Variants in PIP5KL1 observed in about 807,000 individuals in gnomAD.
PIP5KL1 encodes phosphatidylinositol-4-phosphate 5-kinase like 1.
In PIP5KL1, 45 loss-of-function variants were observed where a neutral mutation model predicts 47.6. The observed-to-expected ratio is 0.94, with a 90% CI of 0.74 to 1.21. The LOEUF is 1.21. Among genes scored for constraint, PIP5KL1 ranks in the 50% most tolerant of loss-of-function variants. The probability of loss-of-function intolerance (pLI) is 0.00; values close to 1 mark genes in which losing one functional copy is unlikely to be tolerated. For missense variants in PIP5KL1, 577 were observed against 547.6 expected (o/e 1.05, Z -0.54); for synonymous variants, 256 against 234.6 (o/e 1.09, Z -0.84).
At chr9:127,922,969 C>T (rs1434959936) in intron 9 of PIP5KL1, among the ~76,000 whole-genome samples, 1 of 152,160 alleles carries the variant, frequency 6.6e-6, no homozygotes, top group Non-Finnish European at 1.5e-5. Context: ...GGAATCTGCA[C>T]CTTGGTGCCA....
At position 127,930,728 on chromosome 9, in the gene PIP5KL1, G is replaced by A; in HGVS notation, c.25C>T (p.Arg9Cys). The change falls in exon 1 of 10, where the codon CGC (arginine) becomes TGC (cysteine). Residue 9 changes from arginine (R) to cysteine (C), a missense_variant. By Grantham distance (180) the Arg-to-Cys change is radical (BLOSUM62 -3). Coordinates refer to ENST00000388747, the MANE Select transcript of PIP5KL1 (RefSeq NM_001135219.2). MAAPSPGP[R>C]EVLAPSPEAG... ...TCTCTCGGGTCCGCACCTACCTCGC[G>A]GGGCCCCGGGCTCGGCGCAGCCATC... 1 of 1,569,176 alleles carries A rather than the reference G, an allele frequency of 6.4e-7. No individual in the cohort carries two copies. The highest frequency in any genetic ancestry group is 8.6e-7 in the Non-Finnish European group (1 of 1,161,526).
Position 127,921,626 on chromosome 9 carries a change from AT to A in PIP5KL1, c.*220del, listed in dbSNP as rs1564135864. ...TGGTCTGTAAAAAGAGAATAATAGC[AT>A]TTTTTGAGGATTAAATGAGCTAAAG... On this transcript the variant is annotated 3_prime_UTR_variant, in exon 10 of 10. Transcript: ENST00000388747. The A allele has an allele frequency of 1.6e-6, 1 of 619,302 alleles. No individual in the cohort carries two copies. Among genetic ancestry groups the A allele is most frequent in the Non-Finnish European group, 2.7e-6 (1 of 364,806 alleles). The allele number at this position is 619,302 out of a possible 1,614,324, so 38.4% of individuals were successfully genotyped here.
Position 127,929,941 on chromosome 9 carries a change from C to T in PIP5KL1, c.31-56G>A, listed in dbSNP as rs1831414887. 7.1e-7 allele frequency: 1 copy of T among 1,410,222 alleles called. No homozygotes were observed. Among genetic ancestry groups the T allele is most frequent in the Non-Finnish European group, 9.4e-7 (1 of 1,065,250 alleles). 87.4% of individuals were successfully genotyped at this position (1,410,222 alleles called of 1,614,324 possible). ...TGGCAGCGTCACAGAGGAAAAAGAT[C>T]AGGGTTCAAGTCCCACTTCCACTAC... On this transcript the variant is annotated intron_variant, in intron 1 of 9. Transcript: ENST00000388747. This position sits in a 1 kb window ranked among gnomAD's most constrained non-coding sequence, Gnocchi z 4.0.
In PIP5KL1 at chr9:127,925,191, A is replaced by C. The variant is rs1831343762; in HGVS notation, c.833T>G (p.Leu278Arg). ...DTTFLRELNV[L>R]DYSLLIAFQR... ...GAAGGCTATCAGGAGGCTGTAATCC[A>C]GCACGTTGAGCTCCCGGAGGAAGGT... Residue 278 changes from leucine (L) to arginine (R), a missense_variant, in exon 9 of 10, where the codon CTG becomes CGG. Leu to Arg is a moderately radical substitution (Grantham distance 102). Coordinates refer to ENST00000388747, the MANE Select transcript of PIP5KL1 (RefSeq NM_001135219.2). The C allele has an allele frequency of 6.2e-7, 1 of 1,614,008 alleles. No individual in the cohort carries two copies. Among genetic ancestry groups the C allele is most frequent in the Non-Finnish European group, 8.5e-7 (1 of 1,180,056 alleles).
chr9:127,925,730 C>A (rs1831352633), intron 8 of PIP5KL1, 137 bp downstream of exon 8: 2 of 734,192 alleles, frequency 2.7e-6, no homozygotes, highest in African/African-American at 1.7e-5. Flanking sequence ...TCCCAAAGTG[C>A]TGGAATTACA....
chr9:127,925,233 T>G lies in PIP5KL1; in HGVS notation c.791A>C (p.Gln264Pro). Residue 264 changes from glutamine to proline, a missense_variant, in exon 9 of 10, where the codon CAG (glutamine) becomes CCG (proline). Gln to Pro is a moderately conservative substitution (Grantham distance 76). Transcript: ENST00000388747. ...GAGGAAGGTGGTATCCAGTTCCATC[T>G]GGCGGAGGAACCAGCTCCGCTGGGG... ...LGPQRSWFLR[Q>P]MELDTTFLRE... 1 of 1,613,716 alleles carries G rather than the reference T, an allele frequency of 6.2e-7. No individual in the cohort carries two copies. The highest frequency in any genetic ancestry group is 8.5e-7 in the Non-Finnish European group (1 of 1,180,038).
chr9:127,929,249 C>A lies in PIP5KL1; in HGVS notation c.228+439G>T, dbSNP rs530828044. On this transcript the variant is annotated intron_variant, in intron 2 of 9. Coordinates refer to ENST00000388747, the MANE Select transcript of PIP5KL1 (RefSeq NM_001135219.2). The surrounding 1 kb of genome is among the most constrained non-coding windows in gnomAD (Gnocchi z 4.0). ...CACCACACACATGCTCACCCAGGCCCGCCCAGCTGCTGAGCTTGCAGTTGG... is the reference window on the plus strand; with the variant it reads ...CACCACACACATGCTCACCCAGGCCAGCCCAGCTGCTGAGCTTGCAGTTGG... 6.6e-6 allele frequency among the ~76,000 whole-genome samples: 1 copy of A among 152,150 alleles called. No homozygotes were observed. Among genetic ancestry groups the A allele is most frequent in the Non-Finnish European group, 1.5e-5 (1 of 68,014 alleles).
Position 127,927,432 on chromosome 9 carries a change from C to G in PIP5KL1, c.560-101G>C. On this transcript the variant is annotated intron_variant, in intron 5 of 9. Coordinates refer to ENST00000388747, the MANE Select transcript of PIP5KL1 (RefSeq NM_001135219.2). This position sits in a 1 kb window ranked among gnomAD's most constrained non-coding sequence, Gnocchi z 5.5. ...CCAGGCCACGCCTCCTTCTCAAGAT[C>G]CGCGGCACCTGGACCCTTCCTTGGC... is the stretch of plus-strand genomic sequence containing the variant. 1 of 1,510,958 alleles carries G rather than the reference C, an allele frequency of 6.6e-7. No homozygotes were observed. The highest frequency in any genetic ancestry group is 8.8e-7 in the Non-Finnish European group (1 of 1,131,342). 93.6% of individuals were successfully genotyped at this position (1,510,958 alleles called of 1,614,324 possible). A position where few individuals can be genotyped will look rare whatever the true frequency, so the allele number is the denominator to read the frequency against.
In PIP5KL1 at chr9:127,929,202, C is replaced by G. The variant is rs966565426; in HGVS notation, c.228+486G>C. On this transcript the variant is annotated intron_variant, in intron 2 of 9. Transcript: ENST00000388747. This position sits in a 1 kb window ranked among gnomAD's most constrained non-coding sequence, Gnocchi z 4.0. Reference sequence around the variant, plus strand: ...TGGTCTGTGGAATGTGGTCCCACTGCGCACACATGCACACACACGAACACC... The same window carrying G: ...TGGTCTGTGGAATGTGGTCCCACTGGGCACACATGCACACACACGAACACC... Among the ~76,000 whole-genome samples the G allele has an allele frequency of 6.6e-6, 1 of 152,156 alleles. No individual in the cohort carries two copies. Among genetic ancestry groups the G allele is most frequent in the Non-Finnish European group, 1.5e-5 (1 of 68,018 alleles).
intron 2 of PIP5KL1, 59 bp from the exon 3 acceptor site, chr9:127,928,542 G>C: frequency 6.8e-7 from 1 of 1,464,810 alleles, no homozygotes; most frequent in Non-Finnish European, 9.1e-7. Context: ...CCTGCCCCAG[G>C]ATCTCCAGAT....
In PIP5KL1 at chr9:127,927,811, C is replaced by A. The variant is rs1347194547; in HGVS notation, c.435-39G>T. ...GAAAGAGGTCACTGCCCAGGCCTGG[C>A]TGGAGCGGCTCCCACCCGGCCCCCT... On this transcript the variant is annotated intron_variant, in intron 4 of 9. Transcript: ENST00000388747. This position sits in a 1 kb window ranked among gnomAD's most constrained non-coding sequence, Gnocchi z 5.5. 2 of 1,539,534 alleles carry A rather than the reference C, an allele frequency of 1.3e-6. No homozygotes were observed. Among genetic ancestry groups the A allele is most frequent in the East Asian group, 4.9e-5 (2 of 40,992 alleles).
chr9:127,921,799 C>T lies in PIP5KL1; in HGVS notation c.*48G>A, dbSNP rs768053497. 1.2e-5 allele frequency: 19 copies of T among 1,522,756 alleles called. No homozygotes were observed. The highest frequency in any genetic ancestry group is 1.6e-5 in the Non-Finnish European group (18 of 1,137,022). The allele number at this position is 1,522,756 out of a possible 1,614,324, so 94.3% of individuals were successfully genotyped here. On this transcript the variant is annotated 3_prime_UTR_variant, in exon 10 of 10. Transcript: ENST00000388747. ...CCCGGGCCCGGGGGAACCGGCGTTC[C>T]TGGCGTGAGCCCATCGTCCAGATCC...
rs1286974615 is a variant in PIP5KL1 at position 127,929,878 on chromosome 9, G to C, written c.38C>G (p.Ala13Gly). 1 of 1,530,472 alleles carries C rather than the reference G, an allele frequency of 6.5e-7. No homozygotes were observed. Among genetic ancestry groups the C allele is most frequent in the Non-Finnish European group, 8.8e-7 (1 of 1,138,470 alleles). 94.8% of individuals were successfully genotyped at this position (1,530,472 alleles called of 1,614,324 possible). ...APSPGPREVL[A>G]PSPEAGCRAV... ...TCTGCATCCAGCCTCAGGGGAGGGG[G>C]CCAGGACCTGGTGGGAGGAGGCACA... Residue 13 changes from alanine (A) to glycine (G), a missense_variant, in exon 2 of 10, where the codon GCC (alanine) becomes GGC (glycine). Coordinates refer to ENST00000388747, the MANE Select transcript of PIP5KL1 (RefSeq NM_001135219.2). The surrounding 1 kb of genome is among the most constrained non-coding windows in gnomAD (Gnocchi z 4.0).
Position 127,921,703 on chromosome 9 carries a change from C to A in PIP5KL1, c.*144G>T. On this transcript the variant is annotated 3_prime_UTR_variant, in exon 10 of 10. Coordinates refer to ENST00000388747, the MANE Select transcript of PIP5KL1 (RefSeq NM_001135219.2). ...GGCACGGCACCACCGTCAAACGGGA[C>A]TGCGCGGTTACGGTATTAGTTAGGG... 8.5e-7 allele frequency: 1 copy of A among 1,172,352 alleles called. No individual in the cohort carries two copies. Among genetic ancestry groups the A allele is most frequent in the Non-Finnish European group, 1.2e-6 (1 of 859,278 alleles). 72.6% of individuals were successfully genotyped at this position (1,172,352 alleles called of 1,614,324 possible). A position where few individuals can be genotyped will look rare whatever the true frequency, so the allele number is the denominator to read the frequency against.
At position 127,921,987 on chromosome 9, in the gene PIP5KL1, G is replaced by T; in HGVS notation, c.1045C>A (p.Leu349Ile). Residue 349 changes from leucine to isoleucine, a missense_variant, in exon 10 of 10, where the codon CTC becomes ATC. By Grantham distance (5) the Leu-to-Ile change is conservative (BLOSUM62 2). Transcript: ENST00000388747. ...EQRYFLGVVD[L>I]ATVYGLRKRL... The stretch of plus-strand genomic sequence containing the variant: ...TTGCGGAGCCCGTAGACTGTGGCGA[G>T]ATCCACGACGCCCAGGAAATAGCGC... 6.3e-7 allele frequency: 1 copy of T among 1,577,562 alleles called. No homozygotes were observed.
chr9:127,928,969 C>T (rs958371281), intron 2 of PIP5KL1, among the ~76,000 whole-genome samples: 4 of 152,222 alleles, frequency 2.6e-5, no homozygotes, highest in South Asian at 2.1e-4. Flanking sequence ...TGGTGGCTGC[C>T]GGCAAGGGAA....
At position 127,927,215 on chromosome 9, in the gene PIP5KL1, G is replaced by A; in HGVS notation, c.595-7C>T. ...GCATGACGATGAAGTACGTCTGGGG[G>A]CCGGGACAGGGAGTGAGGGAGGCCG... On this transcript the variant is annotated splice_region_variant and splice_polypyrimidine_tract_variant and intron_variant, in intron 6 of 9. Coordinates refer to ENST00000388747, the MANE Select transcript of PIP5KL1 (RefSeq NM_001135219.2). This position sits in a 1 kb window ranked among gnomAD's most constrained non-coding sequence, Gnocchi z 5.5. 3 of 1,613,160 alleles carry A rather than the reference G, an allele frequency of 1.9e-6. No individual in the cohort carries two copies. The highest frequency in any genetic ancestry group is 2.5e-6 in the Non-Finnish European group (3 of 1,179,802).
In PIP5KL1 at chr9:127,927,247, G is replaced by A. The variant is rs1173062409; in HGVS notation, c.595-39C>T. ...CAGGGAGTGAGGGAGGCCGGCTGTC[G>A]CCCTCCAGCCGCCCGCTCCGCCCAG... is the stretch of plus-strand genomic sequence containing the variant. On this transcript the variant is annotated intron_variant, in intron 6 of 9. Transcript: ENST00000388747. The surrounding 1 kb of genome is among the most constrained non-coding windows in gnomAD (Gnocchi z 5.5). 2.5e-6 allele frequency: 4 copies of A among 1,611,066 alleles called. No homozygotes were observed. The highest frequency in any genetic ancestry group is 2.2e-5 in the South Asian group (2 of 90,726).
Position 127,925,184 on chromosome 9 carries a change from G to A in PIP5KL1, c.840C>T (p.Tyr280=). The change falls in exon 9 of 10, where the codon TAC becomes TAT. Residue 280 remains tyrosine (Y), a synonymous_variant. Coordinates refer to ENST00000388747, the MANE Select transcript of PIP5KL1 (RefSeq NM_001135219.2). ...GACGTTGGAAGGCTATCAGGAGGCT[G>A]TAATCCAGCACGTTGAGCTCCCGGA... ...TFLRELNVLD[Y]SLLIAFQRLH... The A allele has an allele frequency of 1.2e-6, 2 of 1,614,132 alleles. No homozygotes were observed. The highest frequency in any genetic ancestry group is 1.7e-6 in the Non-Finnish European group (2 of 1,180,036).
Sources: gnomAD v4.1 joint callset for allele counts (sites outside exome capture counted in the v4.1 genomes callset) on GRCh38, gnomAD v4.1.1 for gene constraint, Gnocchi (gnomAD v3.1) non-coding constraint, MANE v1.5 for transcripts, NCBI Gene and HGNC (gene_info 2026-07-23, HGNC 2026-07-21) for gene names.